BANP: variants seen among roughly 807,000 people sequenced by gnomAD.
BANP encodes the protein protein BANP.
Under a neutral mutation model 68.1 loss-of-function variants are expected in BANP, and 11 were observed. That is an observed-to-expected ratio of 0.16 (90% CI 0.10 to 0.27). BANP has a LOEUF of 0.27. Among genes scored for constraint, BANP ranks in the 10% least tolerant of loss-of-function variants. The pLI is 1.00. For synonymous variants in BANP, 329 were observed against 303.2 expected (o/e 1.09, Z -0.88); for missense variants, 504 against 722.7 (o/e 0.70, Z 3.47).
chr16:88,061,618 T>G (rs139355210), intron 11 of BANP, among the ~76,000 whole-genome samples: 1 of 152,208 alleles, frequency 6.6e-6, no homozygotes, highest in Non-Finnish European at 1.5e-5. Context: ...TTTAGGCCAG[T>G]TGGGGGCATC....
chr16:88,066,318 G>A (rs556798546), intron 12 of BANP, among the ~76,000 whole-genome samples: 85 of 152,340 alleles, frequency 5.6e-4, no homozygotes, highest in African/African-American at 2.0e-3. Flanking sequence ...CCCTGAGGCT[G>A]ACATTACCAG....
At position 88,013,940 on chromosome 16, in the gene BANP, G is replaced by C. The variant is rs2073869100; in HGVS notation, c.656-4488G>C. Among the ~76,000 whole-genome samples the C allele has an allele frequency of 2.0e-5, 3 of 152,232 alleles. No homozygotes were observed. In the South Asian group the frequency reaches 6.2e-4, roughly 32 times the overall value. ...GGAACCGGTAGACTGGGGTGGGTCA[G>C]CACTCATAATGTGGCTGTGCTGAGC... On this transcript the variant is annotated intron_variant, in intron 6 of 13. Coordinates refer to ENST00000682872, the MANE Select transcript of BANP (RefSeq NM_001386991.1).
At chr16:87,953,950 G>A (rs570844415) in intron 1 of BANP, among the ~76,000 whole-genome samples, 8 of 152,302 alleles carry the variant, frequency 5.3e-5, no homozygotes, top group African/African-American at 1.7e-4. Flanking sequence ...CTCCCTGAAC[G>A]CTCTTGGATC....
intron 11 of BANP, among the ~76,000 whole-genome samples, chr16:88,053,516 C>A (rs1338319926): frequency 6.8e-5 from 10 of 147,150 alleles, no homozygotes; most frequent in African/African-American, 2.4e-4. Context: ...ATCATCATCA[C>A]CAGCACAACC....
In BANP at chr16:88,006,096, G is replaced by T; in HGVS notation, c.486G>T (p.Val162=). ...DSLENVISNA[V]PGRRQNTIVV... is the part of the protein sequence containing the mutation. ...TGTTTTTTTTCCCGTTTAGCGCTGT[G>T]CCTGGGCGTCGGCAGAACACCATTG... The change falls in exon 6 of 14, where the codon GTG becomes GTT. Residue 162 remains valine, a synonymous_variant. Coordinates refer to ENST00000682872, the MANE Select transcript of BANP (RefSeq NM_001386991.1). The T allele has an allele frequency of 6.2e-7, 1 of 1,613,842 alleles. No individual in the cohort carries two copies. Among genetic ancestry groups the T allele is most frequent in the Admixed American group, 1.7e-5 (1 of 60,012 alleles).
chr16:88,044,032 A>G (rs1179886930), intron 11 of BANP, among the ~76,000 whole-genome samples: 1 of 152,188 alleles, frequency 6.6e-6, no homozygotes, highest in Non-Finnish European at 1.5e-5. Flanking sequence ...CCAGTTGGCC[A>G]CTTCAGGGGG....
At position 87,955,053 on chromosome 16, in the gene BANP, T is replaced by C. The variant is rs550143314; in HGVS notation, c.-69+3538T>C. 2.0e-5 allele frequency among the ~76,000 whole-genome samples: 3 copies of C among 152,264 alleles called. No individual in the cohort carries two copies. The East Asian group carries it at 5.8e-4, about 29-fold the overall frequency. ...ACCTGGGCAAGGCCCGGCAGACCCG[T>C]GTGGTAGCAAAGACCCTGACTTTGG... On this transcript the variant is annotated intron_variant, in intron 1 of 13. Coordinates refer to ENST00000682872, the MANE Select transcript of BANP (RefSeq NM_001386991.1).
chr16:87,969,281 A>T lies in BANP; in HGVS notation c.-68-5767A>T, dbSNP rs150174051. 6.4e-3 allele frequency among the ~76,000 whole-genome samples: 976 copies of T among 152,036 alleles called. 12 individuals carry two copies. Among genetic ancestry groups the T allele is most frequent in the African/African-American group, 0.022 (917 of 41,426 alleles). ...TGTTTGTATGTAGGTCTTTGCACACATATGTGAATGTCTGTGCTGGCTGAA... is the reference window on the plus strand; with the variant it reads ...TGTTTGTATGTAGGTCTTTGCACACTTATGTGAATGTCTGTGCTGGCTGAA... On this transcript the variant is annotated intron_variant, in intron 1 of 13. Coordinates refer to ENST00000682872, the MANE Select transcript of BANP (RefSeq NM_001386991.1).
intron 7 of BANP, among the ~76,000 whole-genome samples, chr16:88,025,265 C>T (rs1437872184): frequency 2.0e-5 from 3 of 151,458 alleles, no homozygotes; most frequent in Non-Finnish European, 4.4e-5. Flanking sequence ...CCTCTGGCAG[C>T]AGCTGGGCTC....
Position 87,957,561 on chromosome 16 carries a change from G to T in BANP, c.-69+6046G>T, listed in dbSNP as rs1333401751. Among the ~76,000 whole-genome samples the T allele has an allele frequency of 6.6e-6, 1 of 152,352 alleles. No individual in the cohort carries two copies. Among genetic ancestry groups the T allele is most frequent in the East Asian group, 1.9e-4 (1 of 5,190 alleles). ...CTGCGCTGACAAACCTTTCGCTAGT[G>T]ACCAGTTACCTTCTGTGTCTGAGAG... On this transcript the variant is annotated intron_variant, in intron 1 of 13. Coordinates refer to ENST00000682872, the MANE Select transcript of BANP (RefSeq NM_001386991.1). This position sits in a 1 kb window ranked among gnomAD's most constrained non-coding sequence, Gnocchi z 4.3.
intron 1 of BANP, chr16:87,970,104 T>C (rs4132781): frequency 0.68 from 102,840 of 152,064 alleles, 35,614 homozygotes; most frequent in African/African-American, 0.8. Flanking sequence ...GATGGGGTTT[T>C]GCCACATTGG....
intron 6 of BANP, among the ~76,000 whole-genome samples, chr16:88,014,845 C>T (rs1369315937): frequency 2.0e-5 from 3 of 151,984 alleles, no homozygotes; most frequent in African/African-American, 4.8e-5. Flanking sequence ...CGCTGGAGAC[C>T]ACCCTCATGT....
intron 11 of BANP, among the ~76,000 whole-genome samples, chr16:88,060,478 G>A (rs770580766): frequency 6.6e-6 from 1 of 152,238 alleles, no homozygotes; most frequent in Non-Finnish European, 1.5e-5. Context: ...GAGCTTAGTG[G>A]GAACGTTGGA....
At chr16:88,011,022 A>G (rs2152594887) in intron 6 of BANP, among the ~76,000 whole-genome samples, 1 of 152,366 alleles carries the variant, frequency 6.6e-6, no homozygotes, top group South Asian at 2.1e-4. Context: ...ATCGCTAATA[A>G]GAGTAGGATT....
chr16:88,001,726 C>G (rs1445478896), intron 4 of BANP, among the ~76,000 whole-genome samples: 1 of 152,034 alleles, frequency 6.6e-6, no homozygotes, highest in African/African-American at 2.4e-5. Context: ...TTTTGAACGT[C>G]TCACCAATGA....
intron 7 of BANP, among the ~76,000 whole-genome samples, 162 bp from the exon 8 acceptor site, chr16:88,027,321 T>G (rs1400621295): frequency 6.6e-6 from 1 of 152,162 alleles, no homozygotes; most frequent in Non-Finnish European, 1.5e-5. Flanking sequence ...GCACCTTCTG[T>G]GCAGTGGGCC....
chr16:88,046,682 A>G (rs1399714615), intron 11 of BANP, among the ~76,000 whole-genome samples: 3 of 151,302 alleles, frequency 2.0e-5, no homozygotes, highest in Admixed American at 1.3e-4. Context: ...AGTCGCTGGG[A>G]TTATATAGGC....
intron 6 of BANP, among the ~76,000 whole-genome samples, chr16:88,016,372 C>T (rs1297010598): frequency 6.6e-6 from 1 of 152,250 alleles, no homozygotes; most frequent in East Asian, 1.9e-4. Flanking sequence ...CCATGACCAT[C>T]TCTAGCCATG....
chr16:88,030,033 C>T (rs1181927905), intron 8 of BANP, among the ~76,000 whole-genome samples: 3 of 152,258 alleles, frequency 2.0e-5, no homozygotes, highest in Admixed American at 1.3e-4. Context: ...TGATCAGTCG[C>T]TGCACTAGCA....
Sources: allele counts gnomAD v4.1 joint callset (sites outside exome capture counted in the v4.1 genomes callset), GRCh38; gene constraint gnomAD v4.1.1; non-coding constraint Gnocchi (gnomAD v3.1); transcripts MANE v1.5; gene names NCBI Gene and HGNC (gene_info 2026-07-23, HGNC 2026-07-21).